U2AF1L4: variants seen among roughly 807,000 people sequenced by gnomAD.
U2AF1L4 encodes splicing factor U2AF 26 kDa subunit.
In U2AF1L4, 21 loss-of-function variants were observed where a neutral mutation model predicts 21.7. That is an observed-to-expected ratio of 0.97 (90% CI 0.69 to 1.39). The LOEUF (loss-of-function observed/expected upper bound fraction) is 1.39, where lower values mean the gene tolerates loss of function less well. Among genes scored for constraint, U2AF1L4 ranks in the 40% most tolerant of loss-of-function variants. The probability of loss-of-function intolerance (pLI) is 0.00; values close to 1 mark genes in which losing one functional copy is unlikely to be tolerated. For synonymous variants in U2AF1L4, 92 were observed against 89.7 expected (o/e 1.03, Z -0.15); for missense variants, 259 against 245.7 (o/e 1.05, Z -0.36).
chr19:35,743,893 C>A lies in U2AF1L4; in HGVS notation c.377G>T (p.Arg126Leu), dbSNP rs144545137. ...ATGCATGAAGTTGCAGAAGCCACCT[C>A]GGGTACATTCCCTGCATAGAGGGTA... is the stretch of plus-strand genomic sequence containing the variant. Reference protein sequence around the residue: ...CRQYEMGECTRGGFCNFMHLR... With the variant: ...CRQYEMGECTLGGFCNFMHLR... The change falls in exon 5 of 6, where the codon CGA (arginine) becomes CTA (leucine). Residue 126 changes from arginine to leucine, a missense_variant. Coordinates refer to ENST00000378975, the MANE Select transcript of U2AF1L4 (RefSeq NM_001040425.3). 1.2e-6 allele frequency: 2 copies of A among 1,613,422 alleles called. No homozygotes were observed. Among genetic ancestry groups the A allele is most frequent in the Non-Finnish European group, 8.5e-7 (1 of 1,179,772 alleles).
chr19:35,743,757 G>A (rs1970402527), intron 5 of U2AF1L4, 52 bp downstream of exon 5: 2 of 1,457,054 alleles, frequency 1.4e-6, no homozygotes, highest in Non-Finnish European at 1.9e-6. Flanking sequence ...CTCATCTGAG[G>A]ATATAGGGGC....
chr19:35,744,296 G>C, intron 3 of U2AF1L4, 27 bp downstream of exon 3: 1 of 1,613,276 alleles, frequency 6.2e-7, no homozygotes, highest in Non-Finnish European at 8.5e-7. Context: ...CTCCACTTCT[G>C]GGCCCTAAGT....
At chr19:35,742,937 G>T in intron 5 of U2AF1L4, 134 bp from the exon 6 acceptor site, 2 of 841,250 alleles carry the variant, frequency 2.4e-6, no homozygotes, top group Non-Finnish European at 3.8e-6. Context: ...CGACCTCAGT[G>T]GCCAGTATCA....
chr19:35,744,710 G>A (rs1970483198), intron 2 of U2AF1L4: 1 of 1,536,006 alleles, frequency 6.5e-7, no homozygotes, highest in Non-Finnish European at 8.7e-7. Flanking sequence ...GAATTTAAAA[G>A]GGGCGGGGCC....
chr19:35,743,391 A>C (rs763608296), intron 5 of U2AF1L4: 10 of 231,672 alleles, frequency 4.3e-5, no homozygotes, highest in African/African-American at 1.5e-4. Context: ...AAAAAAAAAA[A>C]AAAAAAAAAA....
Position 35,745,189 on chromosome 19 carries a change from TTAAAG to T in U2AF1L4, c.63_67del (p.Tyr21Ter). The T allele has an allele frequency of 2.5e-6, 4 of 1,613,642 alleles. No homozygotes were observed. Among genetic ancestry groups the T allele is most frequent in the Non-Finnish European group, 3.4e-6 (4 of 1,179,980 alleles). On this transcript the variant is annotated stop_gained and frameshift_variant, in exon 2 of 6. Transcript: ENST00000378975. LOFTEE classifies it high-confidence loss of function. ...GTCCCCGTGCCGGCAGACCCCGATC[TTAAAG>T]TAAAAAGAGCAGTTAACCCTGGAAA...
chr19:35,743,385 A>AC, intron 5 of U2AF1L4: 5 of 147,892 alleles, frequency 3.4e-5, no homozygotes, highest in South Asian at 1.6e-4. Context: ...AAAAAAAAAA[A>AC]AAAAAAAAAA....
intron 2 of U2AF1L4, 105 bp from the exon 3 acceptor site, chr19:35,744,526 C>A: frequency 6.2e-7 from 1 of 1,602,022 alleles, no homozygotes; most frequent in Non-Finnish European, 8.5e-7. Context: ...TGCACCTCCA[C>A]GTCACTCACA....
chr19:35,745,019 G>C, intron 2 of U2AF1L4, 106 bp downstream of exon 2: 1 of 1,124,920 alleles, frequency 8.9e-7, no homozygotes, highest in Non-Finnish European at 1.3e-6. Flanking sequence ...GCCGGGCGGT[G>C]GGGAGGGACT....
In U2AF1L4 at chr19:35,744,958, G is replaced by T. The variant is rs543272344; in HGVS notation, c.132+167C>A. ...GGCGCGACCAAGTTCCCGGGAAAAC[G>T]GCACGAAGACCGGTGGGAGGAGCCT... On this transcript the variant is annotated intron_variant, in intron 2 of 5. Transcript: ENST00000378975. 1.1e-4 allele frequency: 87 copies of T among 766,416 alleles called. 1 individual carries two copies. The highest frequency in any genetic ancestry group is 1.7e-4 in the Non-Finnish European group (83 of 486,304). 47.5% of individuals were successfully genotyped at this position (766,416 alleles called of 1,614,324 possible). A position where few individuals can be genotyped will look rare whatever the true frequency, so the allele number is the denominator to read the frequency against.
chr19:35,744,813 C>T lies in U2AF1L4; in HGVS notation c.132+312G>A, dbSNP rs1599730329. ...CCCAGCCTAAGCATCATGAGTGCATCGGCGATCCTTTGCCCCTAAGAAACC... is the reference window on the plus strand; with the variant it reads ...CCCAGCCTAAGCATCATGAGTGCATTGGCGATCCTTTGCCCCTAAGAAACC... On this transcript the variant is annotated intron_variant, in intron 2 of 5. Coordinates refer to ENST00000378975, the MANE Select transcript of U2AF1L4 (RefSeq NM_001040425.3). 2.5e-6 allele frequency: 3 copies of T among 1,190,838 alleles called. No homozygotes were observed. The East Asian group carries it at 7.7e-5, about 31-fold the overall frequency. 73.8% of individuals were successfully genotyped at this position (1,190,838 alleles called of 1,614,324 possible).
chr19:35,743,788 A>T, intron 5 of U2AF1L4, 21 bp downstream of exon 5: 6 of 1,597,914 alleles, frequency 3.8e-6, no homozygotes, highest in Non-Finnish European at 5.1e-6. Context: ...GAGGAGACAT[A>T]GCAGGCTGGT....
chr19:35,744,683 G>T (rs759786117), intron 2 of U2AF1L4: 6 of 1,536,048 alleles, frequency 3.9e-6, no homozygotes, highest in Non-Finnish European at 5.2e-6. Context: ...AGGTTGAGCA[G>T]CACTATGGTC....
At position 35,745,211 on chromosome 19, in the gene U2AF1L4, C is replaced by A; in HGVS notation, c.46G>T (p.Val16Phe). The A allele has an allele frequency of 6.2e-7, 1 of 1,613,654 alleles. No homozygotes were observed. Among genetic ancestry groups the A allele is most frequent in the Non-Finnish European group, 8.5e-7 (1 of 1,179,960 alleles). The change falls in exon 2 of 6, where the codon GTT becomes TTT. Residue 16 changes from valine (V) to phenylalanine (F), a missense_variant and splice_region_variant. By Grantham distance (50) the Val-to-Phe change is conservative. Coordinates refer to ENST00000378975, the MANE Select transcript of U2AF1L4 (RefSeq NM_001040425.3). ...ATCTTAAAGTAAAAAGAGCAGTTAACCCTGGAAAAGGTGCAAAGACAAAGG... is the reference window on the plus strand; with the variant it reads ...ATCTTAAAGTAAAAAGAGCAGTTAAACCTGGAAAAGGTGCAAAGACAAAGG... ...ASIFGTEKDK[V>F]NCSFYFKIGV...
Position 35,743,859 on chromosome 19 carries a change from G to T in U2AF1L4, c.411C>A (p.Pro137=), listed in dbSNP as rs1599727279. The T allele has an allele frequency of 6.2e-7, 1 of 1,613,608 alleles. No individual in the cohort carries two copies. The highest frequency in any genetic ancestry group is 1.1e-5 in the South Asian group (1 of 90,974). ...GGFCNFMHLR[P]ISQNLQRQLY... is the part of the protein sequence containing the mutation. ...GCTGCCTCTGGAGGTTCTGGGAAAT[G>T]GGCCGCAGATGCATGAAGTTGCAGA... Residue 137 remains proline, a synonymous_variant, in exon 5 of 6, where the codon CCC becomes CCA. Coordinates refer to ENST00000378975, the MANE Select transcript of U2AF1L4 (RefSeq NM_001040425.3).
rs139492953 is a variant in U2AF1L4, at chr19:35,743,826, C to T, written c.444G>A (p.Gly148=). 1.2e-6 allele frequency: 2 copies of T among 1,612,116 alleles called. No homozygotes were observed. The highest frequency in any genetic ancestry group is 2.7e-5 in the African/African-American group (2 of 74,846). The change falls in exon 5 of 6, where the codon GGG becomes GGA. Residue 148 remains glycine (G), a synonymous_variant. Coordinates refer to ENST00000378975, the MANE Select transcript of U2AF1L4 (RefSeq NM_001040425.3). ...TGAGGTACCTGCGCCTGGGTCCCCGCCCATAGAGCTGCCTCTGGAGGTTCT... is the reference window on the plus strand; with the variant it reads ...TGAGGTACCTGCGCCTGGGTCCCCGTCCATAGAGCTGCCTCTGGAGGTTCT... The part of the protein sequence containing the change: ...ISQNLQRQLY[G]RGPRRRSPPR...
Position 35,745,362 on chromosome 19 carries a change from C to G in U2AF1L4, c.30G>C (p.Gly10=), listed in dbSNP as rs147569131. 7.3e-5 allele frequency: 118 copies of G among 1,613,776 alleles called. No individual in the cohort carries two copies. The African/African-American group carries it at 1.4e-3, about 20-fold the overall frequency. MAEYLASIF[G]TEKDKVNCSF... The stretch of plus-strand genomic sequence containing the variant: ...CCCGTTCTCACTTGTCCTTCTCAGT[C>G]CCGAATATCGAAGCTAAATATTCAG... The change falls in exon 1 of 6, where the codon GGG becomes GGC. Residue 10 remains glycine (G), a synonymous_variant. Transcript: ENST00000378975.
rs770368749 is a variant in U2AF1L4 at position 35,743,813 on chromosome 19, G to A, written c.457C>T (p.Arg153Cys). ...QRQLYGRGPR[R>C]RSPPRFHTGH... ...AGCAGGCTGGTCCTGAGGTACCTGC[G>A]CCTGGGTCCCCGCCCATAGAGCTGC... is the stretch of plus-strand genomic sequence containing the variant. The change falls in exon 5 of 6, where the codon CGC (arginine) becomes TGC (cysteine). Residue 153 changes from arginine to cysteine, a missense_variant. Coordinates refer to ENST00000378975, the MANE Select transcript of U2AF1L4 (RefSeq NM_001040425.3). 21 of 1,609,366 alleles carry A rather than the reference G, an allele frequency of 1.3e-5. No homozygotes were observed. The highest frequency in any genetic ancestry group is 7.8e-5 in the South Asian group (7 of 90,266).
chr19:35,745,067 C>G, intron 2 of U2AF1L4, 58 bp downstream of exon 2: 6 of 1,546,942 alleles, frequency 3.9e-6, no homozygotes, highest in Non-Finnish European at 4.4e-6. Flanking sequence ...TGACGACGGC[C>G]CCAGAAGGGG....
Sources: allele counts gnomAD v4.1 joint callset, GRCh38; gene constraint gnomAD v4.1.1; transcripts MANE v1.5; gene names NCBI Gene and HGNC (gene_info 2026-07-23, HGNC 2026-07-21).